The following SNX29 variants were observed in gnomAD, a reference collection of about 807,000 sequenced individuals.
The protein encoded by SNX29 is sorting nexin-29.
SNX29 carries 78 observed loss-of-function variants against 102.1 expected under a neutral mutation model. The ratio of observed to expected loss-of-function variants is 0.76; its 90% CI spans 0.64 to 0.92. SNX29 has a LOEUF of 0.92. SNX29 is among the 40% of genes least tolerant of loss of function. The pLI is 0.00. For missense variants in SNX29, 1,280 were observed against 1,061.7 expected (o/e 1.21, Z -2.86); for synonymous variants, 580 against 414.5 (o/e 1.40, Z -4.85).
chr16:12,385,929 G>A (rs2083325303), intron 16 of SNX29, among the ~76,000 whole-genome samples: 1 of 152,236 alleles, frequency 6.6e-6, no homozygotes, highest in Admixed American at 6.5e-5. Flanking sequence ...CAGTGGTGGG[G>A]GTGAGGACTG....
intron 13 of SNX29, among the ~76,000 whole-genome samples, chr16:12,161,931 C>T (rs903975238): frequency 1.3e-5 from 2 of 152,222 alleles, no homozygotes; most frequent in African/African-American, 2.4e-5. Flanking sequence ...ATTACCCAGC[C>T]TCAGGTATTC....
At chr16:12,041,657 G>T (rs1243096197) in intron 4 of SNX29, among the ~76,000 whole-genome samples, 1 of 152,104 alleles carries the variant, frequency 6.6e-6, no homozygotes, top group African/African-American at 2.4e-5. Context: ...TCTAGTCTTT[G>T]CTTCTCTGGC....
intron 15 of SNX29, among the ~76,000 whole-genome samples, chr16:12,304,565 T>C (rs1424312029): frequency 1.3e-5 from 2 of 152,218 alleles, no homozygotes; most frequent in Non-Finnish European, 2.9e-5. Context: ...AGCATGTAAA[T>C]GTCTTTGAAT....
At chr16:12,363,704 C>CG (rs2082370896) in intron 16 of SNX29, among the ~76,000 whole-genome samples, 1 of 152,078 alleles carries the variant, frequency 6.6e-6, no homozygotes, top group Non-Finnish European at 1.5e-5. Context: ...AATGATAATT[C>CG]GGAAAAAAGA....
intron 9 of SNX29, among the ~76,000 whole-genome samples, chr16:12,062,130 G>A (rs1389509909): frequency 1.3e-5 from 2 of 152,132 alleles, no homozygotes; most frequent in Non-Finnish European, 2.9e-5. Flanking sequence ...TGTAATCCCA[G>A]CACTTTGTGA....
rs139240844 is a variant in SNX29 at position 12,485,891 on chromosome 16, C to G, written c.2178+8032C>G. Among the ~76,000 whole-genome samples, 260 of 152,260 alleles carry G rather than the reference C, an allele frequency of 1.7e-3. 1 individual carries two copies. The highest frequency in any genetic ancestry group is 6.2e-3 in the African/African-American group (257 of 41,544). ...GCTTGAGGGGCCACAGGGCTCCCAG[C>G]CAGAAATCTAGGAGAGGGAGTAGGT... On this transcript the variant is annotated intron_variant, in intron 19 of 20. Coordinates refer to ENST00000566228, the MANE Select transcript of SNX29 (RefSeq NM_032167.5).
At position 11,976,804 on chromosome 16, in the gene SNX29, A is replaced by C; in HGVS notation, c.-3A>C. 7.2e-7 allele frequency: 1 copy of C among 1,381,128 alleles called. No individual in the cohort carries two copies. The highest frequency in any genetic ancestry group is 9.4e-7 in the Non-Finnish European group (1 of 1,066,978). 85.6% of individuals were successfully genotyped at this position (1,381,128 alleles called of 1,614,324 possible). On this transcript the variant is annotated 5_prime_UTR_variant, in exon 1 of 21. Transcript: ENST00000566228. Reference sequence around the variant, plus strand: ...CGCAGGCACCGGCCCGGGGAGAGGCACCATGAGCGGTGAGTGGCGGCCCCG... The same window carrying C: ...CGCAGGCACCGGCCCGGGGAGAGGCCCCATGAGCGGTGAGTGGCGGCCCCG...
intron 4 of SNX29, among the ~76,000 whole-genome samples, chr16:12,039,388 C>T (rs1041261034): frequency 6.6e-6 from 1 of 152,112 alleles, no homozygotes; most frequent in Non-Finnish European, 1.5e-5. Flanking sequence ...TGGACTTTTT[C>T]TCTGTTGTCC....
chr16:12,101,290 G>GC (rs1161469729), intron 11 of SNX29, among the ~76,000 whole-genome samples: 104 of 112,024 alleles, frequency 9.3e-4, no homozygotes, highest in East Asian at 8.5e-3. Flanking sequence ...TACCTTTGTG[G>GC]CCCCCCCCAA....
intron 11 of SNX29, among the ~76,000 whole-genome samples, chr16:12,112,431 T>G (rs1303961382): frequency 6.6e-6 from 1 of 152,174 alleles, no homozygotes; most frequent in Non-Finnish European, 1.5e-5. Context: ...GGTGGAGATC[T>G]GGGGCTGATT....
chr16:12,447,940 C>G (rs1007672255), intron 18 of SNX29, among the ~76,000 whole-genome samples: 9 of 152,116 alleles, frequency 5.9e-5, no homozygotes, highest in Admixed American at 5.9e-4. Flanking sequence ...AAAACCTCCC[C>G]CAAATCAGCT....
intron 4 of SNX29, among the ~76,000 whole-genome samples, chr16:12,032,864 G>T (rs1406249458): frequency 6.6e-6 from 1 of 151,590 alleles, no homozygotes; most frequent in Non-Finnish European, 1.5e-5. Context: ...CCAGTGTTGG[G>T]TTTTTATTTA....
chr16:12,370,550 A>C (rs937700242), intron 16 of SNX29, among the ~76,000 whole-genome samples: 54 of 152,192 alleles, frequency 3.5e-4, no homozygotes, highest in African/African-American at 1.2e-3. Context: ...ACAGAGCGAA[A>C]CTCCGTCTCA....
In SNX29 at chr16:12,503,715, G is replaced by T. The variant is rs186916290; in HGVS notation, c.2179-20987G>T. 1.8e-3 allele frequency among the ~76,000 whole-genome samples: 270 copies of T among 152,158 alleles called. 1 individual carries two copies. Among genetic ancestry groups the T allele is most frequent in the Non-Finnish European group, 2.8e-3 (192 of 67,982 alleles). The stretch of plus-strand genomic sequence containing the variant: ...CTCTCCGTCACTTTTTTTCTGTGTA[G>T]GATTCACTGTCAGAGAGGCTTTCTT... On this transcript the variant is annotated intron_variant, in intron 19 of 20. Coordinates refer to ENST00000566228, the MANE Select transcript of SNX29 (RefSeq NM_032167.5).
chr16:12,365,405 G>A (rs892418867), intron 16 of SNX29, among the ~76,000 whole-genome samples: 3 of 150,262 alleles, frequency 2.0e-5, no homozygotes, highest in South Asian at 2.1e-4. Context: ...CAGGCTCTTC[G>A]GAGGCCGGGC....
chr16:12,569,675 A>C lies in SNX29; in HGVS notation c.*1046A>C, dbSNP rs972546584. On this transcript the variant is annotated 3_prime_UTR_variant, in exon 21 of 21. Transcript: ENST00000566228. Reference sequence around the variant, plus strand: ...GTTCCTCCCATGTCAGGTGGCTCTCAGAGTACAGGGACCTTGGCAGGTGGA... The same window carrying C: ...GTTCCTCCCATGTCAGGTGGCTCTCCGAGTACAGGGACCTTGGCAGGTGGA... 1 of 229,950 alleles carries C rather than the reference A, an allele frequency of 4.3e-6. No individual in the cohort carries two copies. Among genetic ancestry groups the C allele is most frequent in the East Asian group, 6.2e-5 (1 of 16,218 alleles). 14.2% of individuals were successfully genotyped at this position (229,950 alleles called of 1,614,324 possible).
chr16:12,345,842 C>T lies in SNX29; in HGVS notation c.1783-10321C>T, dbSNP rs75502574. Among the ~76,000 whole-genome samples the T allele has an allele frequency of 1.2e-3, 176 of 152,236 alleles. 6 individuals carry two copies. In the East Asian group the frequency reaches 0.03, roughly 26 times the overall value. ...CCTCTCCCACCAGTTGCTTTTATGC[C>T]ATGCCAAGAAAATTAGTGGAAAGCC... On this transcript the variant is annotated intron_variant, in intron 15 of 20. Coordinates refer to ENST00000566228, the MANE Select transcript of SNX29 (RefSeq NM_032167.5).
intron 20 of SNX29, among the ~76,000 whole-genome samples, chr16:12,550,846 C>A (rs192678325): frequency 2.0e-5 from 3 of 152,092 alleles, no homozygotes; most frequent in African/African-American, 7.3e-5. Flanking sequence ...GATTTTTGAG[C>A]AGTATTTTCA....
chr16:12,536,100 A>G (rs543741275), intron 20 of SNX29, among the ~76,000 whole-genome samples: 29 of 152,292 alleles, frequency 1.9e-4, no homozygotes, highest in African/African-American at 4.6e-4. Context: ...TGCCTGGACC[A>G]GAGAGAAGGG....
Sources: allele counts gnomAD v4.1 joint callset (sites outside exome capture counted in the v4.1 genomes callset), GRCh38; gene constraint gnomAD v4.1.1; transcripts MANE v1.5; gene names NCBI Gene and HGNC (gene_info 2026-07-23, HGNC 2026-07-21).